SOX6: variants seen among roughly 807,000 people sequenced by gnomAD.
SOX6 encodes the protein transcription factor SOX-6.
A neutral mutation model predicts 97.8 loss-of-function variants in SOX6; 11 were observed. The observed-to-expected ratio is 0.11, with a 90% CI of 0.07 to 0.19. The LOEUF is 0.19. Ranked by LOEUF, SOX6 falls within the 10% of genes least tolerant of loss-of-function variation. The pLI, the probability that SOX6 is intolerant of heterozygous loss-of-function variation, is 1.00. For synonymous variants in SOX6, 360 were observed against 371.4 expected (o/e 0.97, Z 0.35); for missense variants, 810 against 1,039.5 (o/e 0.78, Z 3.04).
intron 9 of SOX6, among the ~76,000 whole-genome samples, chr11:16,077,829 A>C (rs1848391370): frequency 6.6e-6 from 1 of 152,170 alleles, no homozygotes; most frequent in African/African-American, 2.4e-5. Flanking sequence ...AAGAGGAGGA[A>C]GAAGATAAAA....
chr11:16,435,650 T>C (rs919895934), intron 1 of SOX6, among the ~76,000 whole-genome samples: 1 of 152,044 alleles, frequency 6.6e-6, no homozygotes, highest in Non-Finnish European at 1.5e-5. Context: ...TACATTTCTG[T>C]TTGAAGCCAA....
intron 4 of SOX6, among the ~76,000 whole-genome samples, chr11:16,554,419 T>G (rs1847728905): frequency 6.6e-6 from 1 of 152,130 alleles, no homozygotes; most frequent in South Asian, 2.1e-4. Context: ...TTTCCTTTAT[T>G]CTTACAATAA....
At chr11:16,022,696 A>G (rs1410549803) in intron 12 of SOX6, among the ~76,000 whole-genome samples, 1 of 152,170 alleles carries the variant, frequency 6.6e-6, no homozygotes, top group Non-Finnish European at 1.5e-5. Context: ...TACAGGCATG[A>G]GCCACTGCGC....
intron 11 of SOX6, among the ~76,000 whole-genome samples, chr11:16,047,877 T>G (rs941527635): frequency 2.0e-5 from 3 of 152,140 alleles, no homozygotes; most frequent in Admixed American, 1.3e-4. Context: ...TGGAATTTTT[T>G]TTTTAAGTTA....
At chr11:16,039,842 T>C (rs1046684104) in intron 12 of SOX6, among the ~76,000 whole-genome samples, 8 of 152,066 alleles carry the variant, frequency 5.3e-5, no homozygotes, top group African/African-American at 1.9e-4. Context: ...CCCACATAAA[T>C]CAAAACTCTT....
At chr11:16,304,433 G>T (rs1590108654) in intron 3 of SOX6, among the ~76,000 whole-genome samples, 1 of 152,264 alleles carries the variant, frequency 6.6e-6, no homozygotes, top group East Asian at 1.9e-4. Flanking sequence ...CACTATGGGA[G>T]AATGCAGCAA....
intron 1 of SOX6, among the ~76,000 whole-genome samples, chr11:16,454,094 GACAGCTTTCAAA>G (rs1811438625): frequency 1.3e-5 from 2 of 152,054 alleles, no homozygotes; most frequent in Admixed American, 6.6e-5. Context: ...AACATGGTTT[GACAGCTTTCAAA>G]TAACATTCTT....
At chr11:16,569,861 T>TC (rs890529128) in intron 4 of SOX6, among the ~76,000 whole-genome samples, 4 of 64,748 alleles carry the variant, frequency 6.2e-5, no homozygotes, top group African/African-American at 3.9e-4. Context: ...TGATCAAGAC[T>TC]CCGTCTCAAA....
At chr11:16,207,234 A>C (rs1852096049) in intron 4 of SOX6, among the ~76,000 whole-genome samples, 1 of 152,210 alleles carries the variant, frequency 6.6e-6, no homozygotes, top group Non-Finnish European at 1.5e-5. Flanking sequence ...ATGCTTATCA[A>C]TAGAAGAATG....
At chr11:16,640,761 C>T (rs1848897320) in intron 3 of SOX6, among the ~76,000 whole-genome samples, 1 of 152,130 alleles carries the variant, frequency 6.6e-6, no homozygotes, top group Non-Finnish European at 1.5e-5. Context: ...GTGATATTCT[C>T]TTTATCATTT....
At chr11:16,158,122 T>C (rs1850649932) in intron 6 of SOX6, among the ~76,000 whole-genome samples, 1 of 152,052 alleles carries the variant, frequency 6.6e-6, no homozygotes, top group Non-Finnish European at 1.5e-5. Flanking sequence ...GAAAACTTTA[T>C]TAAACTCATT....
chr11:16,022,850 C>A (rs1855108581), intron 12 of SOX6, among the ~76,000 whole-genome samples: 1 of 152,070 alleles, frequency 6.6e-6, no homozygotes, highest in Admixed American at 6.6e-5. Flanking sequence ...TGATAAGAAC[C>A]AAACTTCTCT....
chr11:16,396,481 G>A (rs576506785), intron 1 of SOX6, among the ~76,000 whole-genome samples: 43 of 151,602 alleles, frequency 2.8e-4, no homozygotes, highest in African/African-American at 1.0e-3. Context: ...TTTTTTCTGT[G>A]CTCATTTAAG....
intron 1 of SOX6, among the ~76,000 whole-genome samples, chr11:16,405,354 G>T (rs546903400): frequency 6.6e-6 from 1 of 151,926 alleles, no homozygotes; most frequent in African/African-American, 2.4e-5. Context: ...ATGACCTACC[G>T]CCAGGTGACC....
chr11:16,050,153 T>G (rs1011366448), intron 10 of SOX6, among the ~76,000 whole-genome samples: 2 of 152,176 alleles, frequency 1.3e-5, no homozygotes, highest in African/African-American at 4.8e-5. Context: ...AACTGTGTAG[T>G]TGGATCATTC....
chr11:16,049,304 T>C (rs917796541), intron 11 of SOX6, among the ~76,000 whole-genome samples: 7 of 152,214 alleles, frequency 4.6e-5, no homozygotes, highest in Non-Finnish European at 2.9e-5. Flanking sequence ...TAGTATTTCA[T>C]ATATGTTCTT....
intron 6 of SOX6, among the ~76,000 whole-genome samples, chr11:16,119,890 C>T (rs1849445972): frequency 6.6e-6 from 1 of 152,092 alleles, no homozygotes. Flanking sequence ...GAGAATCTAG[C>T]TAGCCCAACA....
At chr11:16,687,320 A>G (rs991168528) in intron 3 of SOX6, among the ~76,000 whole-genome samples, 3 of 152,178 alleles carry the variant, frequency 2.0e-5, no homozygotes, top group African/African-American at 7.2e-5. Flanking sequence ...GGAGCAAGAG[A>G]GAGAGTGGGT....
chr11:16,118,963 A>G (rs1165042812), intron 6 of SOX6, among the ~76,000 whole-genome samples: 1 of 152,154 alleles, frequency 6.6e-6, no homozygotes, highest in African/African-American at 2.4e-5. Flanking sequence ...ACAGAGATGG[A>G]GGAAAAGAGA....
Sources: allele counts gnomAD v4.1 joint callset (sites outside exome capture counted in the v4.1 genomes callset), GRCh38; gene constraint gnomAD v4.1.1; transcripts MANE v1.5; gene names NCBI Gene and HGNC (gene_info 2026-07-23, HGNC 2026-07-21).